Variants in ZNF23 observed in about 807,000 individuals in gnomAD.
ZNF23 encodes the protein zinc finger protein 23, also known as kruppel-like zinc finger factor X31.
Under a neutral mutation model 56.2 loss-of-function variants are expected in ZNF23, and 48 were observed. The observed-to-expected ratio is 0.85, with a 90% CI of 0.68 to 1.09. The LOEUF (loss-of-function observed/expected upper bound fraction) is 1.09. ZNF23 is among the 50% of genes least tolerant of loss of function. The pLI is 0.00. For missense variants in ZNF23, 805 were observed against 811.4 expected, an observed-to-expected ratio of 0.99 and a Z score of 0.10; for synonymous variants, 266 against 283.3, an observed-to-expected ratio of 0.94 and a Z score of 0.61.
In ZNF23 at chr16:71,448,776, C is replaced by A; in HGVS notation, c.1378G>T (p.Glu460Ter). The change falls in exon 5 of 5, where the codon GAG (glutamate) becomes TAG (stop). Residue 460 changes from glutamate (E) to a stop codon, truncating the protein, a stop_gained. Transcript: ENST00000647773. LOFTEE classifies it high-confidence loss of function. Reference sequence around the variant, plus strand: ...CATTCATTACACTCATAGGGTTTCTCGCCTGTGTGAATTCTCTGGTGTTGG... The same window carrying A: ...CATTCATTACACTCATAGGGTTTCTAGCCTGTGTGAATTCTCTGGTGTTGG... The part of the protein sequence containing the change: ...LIQHQRIHTG[E>*]KPYECNECGK... 6.2e-7 allele frequency: 1 copy of A among 1,614,206 alleles called. No individual in the cohort carries two copies. The highest frequency in any genetic ancestry group is 8.5e-7 in the Non-Finnish European group (1 of 1,180,038).
At chr16:71,455,537 A>G (rs2043199621) in intron 2 of ZNF23, among the ~76,000 whole-genome samples, 1 of 152,010 alleles carries the variant, frequency 6.6e-6, no homozygotes, top group Non-Finnish European at 1.5e-5. Context: ...TTCTATTTTT[A>G]GCAGAGACAG....
Position 71,448,727 on chromosome 16 carries a change from G to A in ZNF23, c.1427C>T (p.Ser476Phe), listed in dbSNP as rs761440984. 1.9e-5 allele frequency: 30 copies of A among 1,614,176 alleles called. No homozygotes were observed. In the Admixed American group the frequency reaches 2.8e-4, roughly 15 times the overall value. Residue 476 changes from serine to phenylalanine, a missense_variant, in exon 5 of 5, where the codon TCC (serine) becomes TTC (phenylalanine). Coordinates refer to ENST00000647773, the MANE Select transcript of ZNF23 (RefSeq NM_001381984.1). ...AATTCTCAGATGCTGCCGAAATTGG[G>A]AGTTACATCTGAAGGCTTTCCCGCA... ...NECGKAFRCNSQFRQHLRIHT... is the reference protein window; with the variant it reads ...NECGKAFRCNFQFRQHLRIHT...
Position 71,454,136 on chromosome 16 carries a change from G to A in ZNF23, c.66C>T (p.Tyr22=), listed in dbSNP as rs745516536. 1.2e-6 allele frequency: 2 copies of A among 1,613,996 alleles called. No individual in the cohort carries two copies. Among genetic ancestry groups the A allele is most frequent in the Non-Finnish European group, 1.7e-6 (2 of 1,179,980 alleles). Residue 22 remains tyrosine, a synonymous_variant, in exon 3 of 5, where the codon TAC becomes TAT. Transcript: ENST00000647773. ...GGCCATCCCATTCCGCCTGGGTGAA[G>A]TACACAGCCACGTCCTCAAAGGTCA... ...KSVTFEDVAV[Y]FTQAEWDGLS... is the part of the protein sequence containing the mutation.
At chr16:71,454,611 G>A (rs778643574) in intron 2 of ZNF23, among the ~76,000 whole-genome samples, 8 of 151,970 alleles carry the variant, frequency 5.3e-5, no homozygotes, top group Non-Finnish European at 1.0e-4. Context: ...GATCATCCAC[G>A]GCTTCTGTCT....
intron 3 of ZNF23, 147 bp downstream of exon 3, chr16:71,453,895 A>G (rs1298970780): frequency 1.2e-5 from 12 of 987,648 alleles, no homozygotes; most frequent in Non-Finnish European, 1.7e-5. Context: ...TGCCCCTGCC[A>G]GTAACCTCTA....
chr16:71,456,635 A>G, intron 2 of ZNF23, 129 bp downstream of exon 2: 2 of 946,078 alleles, frequency 2.1e-6, no homozygotes, highest in Non-Finnish European at 2.5e-6. Flanking sequence ...CCTGCACAAC[A>G]CCTCTTTCCC....
Position 71,449,312 on chromosome 16 carries a change from T to G in ZNF23, c.842A>C (p.His281Pro). The G allele has an allele frequency of 1.2e-6, 2 of 1,614,182 alleles. No individual in the cohort carries two copies. The highest frequency in any genetic ancestry group is 1.7e-6 in the Non-Finnish European group (2 of 1,180,022). The change falls in exon 5 of 5, where the codon CAT becomes CCT. Residue 281 changes from histidine (H) to proline (P), a missense_variant. By Grantham distance (77) the His-to-Pro change is moderately conservative (BLOSUM62 -2). Coordinates refer to ENST00000647773, the MANE Select transcript of ZNF23 (RefSeq NM_001381984.1). Reference sequence around the variant, plus strand: ...GTGGATTGTCTGATGTGTGATATAATGGGAACTGTAGCTGAAGCTTTTCCC... The same window carrying G: ...GTGGATTGTCTGATGTGTGATATAAGGGGAACTGTAGCTGAAGCTTTTCCC... ...ECGKSFSYSSHYITHQTIHSG... is the reference protein window; with the variant it reads ...ECGKSFSYSSPYITHQTIHSG...
In ZNF23 at chr16:71,448,445, G is replaced by C. The variant is rs1413175300; in HGVS notation, c.1709C>G (p.Thr570Ser). Reference protein sequence around the residue: ...AKLTRHQRIHTGEKPFKCMEC... With the variant: ...AKLTRHQRIHSGEKPFKCMEC... ...CATACATTTGAAAGGTTTCTCCCCA[G>C]TATGTATCCTCTGATGCCTAGTTAG... Residue 570 changes from threonine to serine, a missense_variant, in exon 5 of 5, where the codon ACT becomes AGT. Transcript: ENST00000647773. The C allele has an allele frequency of 1.2e-6, 2 of 1,614,090 alleles. No individual in the cohort carries two copies. The highest frequency in any genetic ancestry group is 1.7e-6 in the Non-Finnish European group (2 of 1,180,032).
intron 1 of ZNF23, among the ~76,000 whole-genome samples, chr16:71,457,756 T>C (rs1026950585): frequency 1.1e-4 from 16 of 152,048 alleles, no homozygotes; most frequent in African/African-American, 3.9e-4. Flanking sequence ...TAAAATAAAA[T>C]GTATGCAGAG....
chr16:71,449,777 G>C lies in ZNF23; in HGVS notation c.377C>G (p.Ala126Gly). 6.2e-7 allele frequency: 1 copy of C among 1,614,056 alleles called. No homozygotes were observed. Among genetic ancestry groups the C allele is most frequent in the South Asian group, 1.1e-5 (1 of 91,076 alleles). Reference protein sequence around the residue: ...DFSQETDFSEASLLEKQQEVH... With the variant: ...DFSQETDFSEGSLLEKQQEVH... Reference sequence around the variant, plus strand: ...TTCCTGTTGTTTCTCTAGAAGAGAGGCTTCTGAAAAGTCTGTTTCCTGGGA... The same window carrying C: ...TTCCTGTTGTTTCTCTAGAAGAGAGCCTTCTGAAAAGTCTGTTTCCTGGGA... The change falls in exon 5 of 5, where the codon GCC becomes GGC. Residue 126 changes from alanine (A) to glycine (G), a missense_variant. Physicochemically the swap from Ala to Gly is moderately conservative, Grantham distance 60. Transcript: ENST00000647773.
In ZNF23 at chr16:71,453,253, GC is replaced by G; in HGVS notation, c.257del (p.Gly86AlafsTer5). On this transcript the variant is annotated frameshift_variant, in exon 4 of 5. Coordinates refer to ENST00000647773, the MANE Select transcript of ZNF23 (RefSeq NM_001381984.1). LOFTEE classifies it high-confidence loss of function. ...SPLAAGTGLQ[G>X]LQTVDIQTDN... ...ATGTACCTCCCTTACCAGTCTGGAG[GC>G]CCTGGAGGCCTGTTCCTGCAGCCAG... 6.2e-7 allele frequency: 1 copy of G among 1,606,696 alleles called. No homozygotes were observed. The highest frequency in any genetic ancestry group is 8.5e-7 in the Non-Finnish European group (1 of 1,176,098).
At chr16:71,454,320 C>A (rs1016226739) in intron 2 of ZNF23, 152 bp from the exon 3 acceptor site, 4 of 1,074,194 alleles carry the variant, frequency 3.7e-6, no homozygotes, top group African/African-American at 1.6e-5. Context: ...AAAAAAATAT[C>A]GAGAAAGTAA....
At position 71,449,281 on chromosome 16, in the gene ZNF23, C is replaced by T; in HGVS notation, c.873G>A (p.Gly291=). The part of the protein sequence containing the change: ...HYITHQTIHS[G]EKPYQCKMCG... ...ACATCTTACACTGATAGGGCTTCTCCCCACTGTGGATTGTCTGATGTGTGA... is the reference window on the plus strand; with the variant it reads ...ACATCTTACACTGATAGGGCTTCTCTCCACTGTGGATTGTCTGATGTGTGA... Residue 291 remains glycine (G), a synonymous_variant, in exon 5 of 5, where the codon GGG becomes GGA. Coordinates refer to ENST00000647773, the MANE Select transcript of ZNF23 (RefSeq NM_001381984.1). 6.2e-7 allele frequency: 1 copy of T among 1,614,198 alleles called. No homozygotes were observed. The highest frequency in any genetic ancestry group is 2.2e-5 in the East Asian group (1 of 44,872).
chr16:71,450,074 C>A, intron 4 of ZNF23, 189 bp from the exon 5 acceptor site: 1 of 473,014 alleles, frequency 2.1e-6, no homozygotes, highest in Non-Finnish European at 3.7e-6. Flanking sequence ...TACAATAAAT[C>A]CATATATGCT....
At chr16:71,457,220 A>C (rs1009519218) in intron 1 of ZNF23, among the ~76,000 whole-genome samples, 4 of 152,052 alleles carry the variant, frequency 2.6e-5, no homozygotes, top group Non-Finnish European at 5.9e-5. Flanking sequence ...ACTTGAGCTC[A>C]GGAGTTCGAG....
At chr16:71,461,012 A>T (rs1318921384) in intron 1 of ZNF23, among the ~76,000 whole-genome samples, 1 of 152,226 alleles carries the variant, frequency 6.6e-6, no homozygotes, top group Non-Finnish European at 1.5e-5. Flanking sequence ...TGCGAGTCCC[A>T]GATGACTTAT....
At position 71,449,798 on chromosome 16, in the gene ZNF23, T is replaced by A; in HGVS notation, c.356A>T (p.Gln119Leu). ...VSFELQRDFS[Q>L]ETDFSEASLL... ...AGAGGCTTCTGAAAAGTCTGTTTCC[T>A]GGGAAAAGTCTCTTTGAAGTTCAAA... The change falls in exon 5 of 5, where the codon CAG becomes CTG. Residue 119 changes from glutamine (Q) to leucine (L), a missense_variant. Physicochemically the swap from Gln to Leu is moderately radical, Grantham distance 113 (BLOSUM62 -2). Coordinates refer to ENST00000647773, the MANE Select transcript of ZNF23 (RefSeq NM_001381984.1). 6.2e-7 allele frequency: 1 copy of A among 1,614,064 alleles called. No homozygotes were observed. The highest frequency in any genetic ancestry group is 8.5e-7 in the Non-Finnish European group (1 of 1,180,026).
At chr16:71,451,178 T>G (rs867115899) in intron 4 of ZNF23, 5 of 152,362 alleles carry the variant, frequency 3.3e-5, no homozygotes, top group African/African-American at 4.8e-5. Flanking sequence ...ATAATCCCAA[T>G]AGTCTTTAGA....
intron 1 of ZNF23, among the ~76,000 whole-genome samples, chr16:71,460,114 GAA>G (rs972022677): frequency 7.9e-5 from 12 of 152,282 alleles, no homozygotes; most frequent in Admixed American, 5.2e-4. Flanking sequence ...AACCTACCAA[GAA>G]AAGTCTCATC....
Sources: allele counts gnomAD v4.1 joint callset (sites outside exome capture counted in the v4.1 genomes callset), GRCh38; gene constraint gnomAD v4.1.1; transcripts MANE v1.5; gene names NCBI Gene and HGNC (gene_info 2026-07-23, HGNC 2026-07-21).